The following INPP5K variants were observed in gnomAD, a reference collection of about 807,000 sequenced individuals.
INPP5K encodes the protein inositol polyphosphate 5-phosphatase K.
In INPP5K, 35 loss-of-function variants were observed where a neutral mutation model predicts 53.5. The observed-to-expected ratio is 0.65, with a 90% CI of 0.50 to 0.87. The LOEUF is 0.87. Among genes scored for constraint, INPP5K ranks in the 40% least tolerant of loss-of-function variants. INPP5K has a pLI of 0.00. For synonymous variants in INPP5K, 253 were observed against 232.8 expected, an observed-to-expected ratio of 1.09 and a Z score of -0.79; for missense variants, 550 against 586.2, an observed-to-expected ratio of 0.94 and a Z score of 0.64.
intron 7 of INPP5K, among the ~76,000 whole-genome samples, chr17:1,498,984 G>A (rs1343538978): frequency 6.6e-6 from 1 of 152,144 alleles, no homozygotes; most frequent in Non-Finnish European, 1.5e-5. Context: ...ACTAAGTGGT[G>A]GAGCCAGGAT....
intron 1 of INPP5K, among the ~76,000 whole-genome samples, chr17:1,514,349 C>A (rs902195962): frequency 6.6e-6 from 1 of 151,274 alleles, no homozygotes; most frequent in East Asian, 1.9e-4. Flanking sequence ...AGATAGTGCA[C>A]GGGGTCTAGG....
chr17:1,500,332 G>A (rs911579418), intron 7 of INPP5K, among the ~76,000 whole-genome samples: 5 of 151,562 alleles, frequency 3.3e-5, no homozygotes, highest in African/African-American at 7.3e-5. Flanking sequence ...GGCCTTTGCC[G>A]AAACCATCCC....
At chr17:1,514,011 G>C (rs750076659) in intron 1 of INPP5K, 32 bp from the exon 2 acceptor site, 17 of 1,506,966 alleles carry the variant, frequency 1.1e-5, no homozygotes, top group Non-Finnish European at 1.4e-5. Flanking sequence ...AAGTCATGGA[G>C]GAAGGAGGAT....
chr17:1,507,196 T>G, intron 6 of INPP5K, 107 bp from the exon 7 acceptor site: 1 of 757,944 alleles, frequency 1.3e-6, no homozygotes, highest in Non-Finnish European at 2.2e-6. Flanking sequence ...GGGGCAAGAG[T>G]CAAGCAATGC....
chr17:1,508,274 G>T (rs776840958), intron 5 of INPP5K, 48 bp from the exon 6 acceptor site: 2 of 1,454,096 alleles, frequency 1.4e-6, no homozygotes, highest in South Asian at 2.3e-5. Flanking sequence ...TGAAGTCGGG[G>T]AAGGGAGATC....
chr17:1,507,585 G>C (rs2075190277), intron 6 of INPP5K: 1 of 156,156 alleles, frequency 6.4e-6, no homozygotes, highest in Non-Finnish European at 1.4e-5. Context: ...TTGTTGCCCA[G>C]GCTGGAGTGC....
At chr17:1,506,591 G>C (rs562154439) in intron 7 of INPP5K, among the ~76,000 whole-genome samples, 1 of 152,312 alleles carries the variant, frequency 6.6e-6, no homozygotes, top group East Asian at 1.9e-4. Context: ...GCTGGGGCAG[G>C]CGTCCTTAAT....
At chr17:1,511,324 T>C (rs1015609797) in intron 3 of INPP5K, among the ~76,000 whole-genome samples, 2 of 152,126 alleles carry the variant, frequency 1.3e-5, no homozygotes, top group African/African-American at 4.8e-5. Flanking sequence ...ACTGCCAAGA[T>C]CCCTACTATC....
At chr17:1,502,208 G>A (rs1258999924) in intron 7 of INPP5K, among the ~76,000 whole-genome samples, 1 of 152,056 alleles carries the variant, frequency 6.6e-6, no homozygotes, top group Non-Finnish European at 1.5e-5. Flanking sequence ...AATTAGCCAG[G>A]CGTGGTGACG....
At chr17:1,500,347 ATTAGCTTT>A (rs1458323693) in intron 7 of INPP5K, among the ~76,000 whole-genome samples, 1 of 148,856 alleles carries the variant, frequency 6.7e-6, no homozygotes, top group Non-Finnish European at 1.5e-5. Context: ...CATCCCAGAC[ATTAGCTTT>A]TTGCTTCCAA....
intron 7 of INPP5K, among the ~76,000 whole-genome samples, chr17:1,499,920 C>A (rs2074962334): frequency 6.6e-6 from 1 of 150,820 alleles, no homozygotes; most frequent in African/African-American, 2.4e-5. Context: ...ATCGACAGGT[C>A]TCACTGTGTT....
chr17:1,496,439 G>T, intron 9 of INPP5K, 37 bp from the exon 10 acceptor site: 1 of 1,513,806 alleles, frequency 6.6e-7, no homozygotes, highest in South Asian at 1.2e-5. Context: ...GGTCAGGGAG[G>T]ACATGGGACC....
At chr17:1,515,049 G>A (rs1000463430) in intron 1 of INPP5K, among the ~76,000 whole-genome samples, 4 of 151,882 alleles carry the variant, frequency 2.6e-5, no homozygotes, top group African/African-American at 9.7e-5. Context: ...TGGGATTACA[G>A]GTGTGTGCCA....
chr17:1,495,667 A>C lies in INPP5K; in HGVS notation c.*156T>G. ...CCAGAGATGAGTAGTGGAGAGAGCA[A>C]ATGAGCCTGGTTAGAGCTCACTCTG... is the stretch of plus-strand genomic sequence containing the variant. On this transcript the variant is annotated 3_prime_UTR_variant, in exon 12 of 12. Coordinates refer to ENST00000421807, the MANE Select transcript of INPP5K (RefSeq NM_016532.4). 3.3e-6 allele frequency: 2 copies of C among 614,700 alleles called. No homozygotes were observed. The highest frequency in any genetic ancestry group is 5.8e-6 in the Non-Finnish European group (2 of 344,794). The allele number at this position is 614,700 out of a possible 1,614,324, so 38.1% of individuals were successfully genotyped here.
At chr17:1,515,934 C>G (rs1248147297) in intron 1 of INPP5K, 10 of 987,692 alleles carry the variant, frequency 1.0e-5, no homozygotes, top group Non-Finnish European at 9.6e-6. Context: ...TTCCCACTCT[C>G]AAATCCGACG....
intron 7 of INPP5K, among the ~76,000 whole-genome samples, chr17:1,499,330 T>C (rs954776725): frequency 2.0e-5 from 3 of 152,056 alleles, no homozygotes; most frequent in African/African-American, 7.2e-5. Flanking sequence ...GACTCTCTAC[T>C]AAAAGTACAA....
chr17:1,502,186 A>G (rs1325173647), intron 7 of INPP5K, among the ~76,000 whole-genome samples: 1 of 150,458 alleles, frequency 6.6e-6, no homozygotes. Flanking sequence ...CGTCTCTACT[A>G]AAAATACAAA....
chr17:1,513,381 C>G, intron 3 of INPP5K, 72 bp downstream of exon 3: 2 of 1,157,888 alleles, frequency 1.7e-6, no homozygotes, highest in Non-Finnish European at 1.3e-6. Context: ...AGGAACACAT[C>G]AGACCCAACA....
chr17:1,502,123 G>A (rs1415021598), intron 7 of INPP5K, among the ~76,000 whole-genome samples: 3 of 151,898 alleles, frequency 2.0e-5, no homozygotes, highest in Non-Finnish European at 4.4e-5. Context: ...GCCAAGGCGG[G>A]CAGATCATGA....
Sources: gnomAD v4.1 joint callset for allele counts (sites outside exome capture counted in the v4.1 genomes callset) on GRCh38, gnomAD v4.1.1 for gene constraint, MANE v1.5 for transcripts, NCBI Gene and HGNC (gene_info 2026-07-23, HGNC 2026-07-21) for gene names.